Variants in ALS2 observed in about 807,000 individuals in gnomAD.
ALS2 encodes alsin.
Under a neutral mutation model 203.4 loss-of-function variants are expected in ALS2, and 117 were observed. The observed-to-expected ratio is 0.58, with a 90% CI of 0.50 to 0.67. The LOEUF is 0.67. ALS2 is among the 30% of genes least tolerant of loss of function. ALS2 has a pLI of 0.00. For synonymous variants in ALS2, 718 were observed against 725.9 expected, an observed-to-expected ratio of 0.99 and a Z score of 0.17; for missense variants, 1,715 against 1,989.4, an observed-to-expected ratio of 0.86 and a Z score of 2.62.
At chr2:201,759,526 A>C in intron 4 of ALS2, 1 of 981,138 alleles carries the variant, frequency 1.0e-6, no homozygotes, top group Non-Finnish European at 1.2e-6. Flanking sequence ...AAAAACTTCC[A>C]ATGTTTAACA....
chr2:201,706,124 A>G (rs1275148963), intron 29 of ALS2, among the ~76,000 whole-genome samples: 1 of 152,064 alleles, frequency 6.6e-6, no homozygotes, highest in Middle Eastern at 3.2e-3. Context: ...AGTGGCTCAC[A>G]CCTGTAATCC....
chr2:201,715,915 C>G, intron 24 of ALS2, 76 bp from the exon 25 acceptor site: 1 of 1,545,018 alleles, frequency 6.5e-7, no homozygotes, highest in South Asian at 1.1e-5. Context: ...AACTTTCTAA[C>G]ATACAACTGA....
At chr2:201,718,869 A>G (rs989329377) in intron 23 of ALS2, among the ~76,000 whole-genome samples, 2 of 152,330 alleles carry the variant, frequency 1.3e-5, no homozygotes, top group South Asian at 2.1e-4. Flanking sequence ...TTCTCGAATC[A>G]GTAATGTAAA....
chr2:201,734,436 C>G (rs1452388853), intron 12 of ALS2, among the ~76,000 whole-genome samples: 1 of 148,132 alleles, frequency 6.8e-6, no homozygotes, highest in Non-Finnish European at 1.5e-5. Context: ...GGTTGTGCCA[C>G]TGCACACCAG....
intron 1 of ALS2, among the ~76,000 whole-genome samples, chr2:201,772,330 A>T (rs893286058): frequency 1.3e-5 from 2 of 152,222 alleles, no homozygotes; most frequent in Non-Finnish European, 2.9e-5. Context: ...ACTGTTAGAA[A>T]GATGAGCTAC....
At chr2:201,765,940 G>A (rs1249731652) in intron 3 of ALS2, 2 of 165,468 alleles carry the variant, frequency 1.2e-5, no homozygotes, top group African/African-American at 4.8e-5. Flanking sequence ...GTGTGTGCTT[G>A]GGAAAATTTA....
intron 3 of ALS2, chr2:201,765,672 T>C (rs112623180): frequency 4.4e-4 from 74 of 167,216 alleles, no homozygotes; most frequent in African/African-American, 1.7e-3. Context: ...ATTTATAAAT[T>C]AGTGAAGTAG....
At position 201,741,799 on chromosome 2, in the gene ALS2, G is replaced by A; in HGVS notation, c.2226C>T (p.Phe742=). 6.2e-7 allele frequency: 1 copy of A among 1,614,150 alleles called. No individual in the cohort carries two copies. The highest frequency in any genetic ancestry group is 8.5e-7 in the Non-Finnish European group (1 of 1,180,018). Residue 742 remains phenylalanine (F), a synonymous_variant, in exon 11 of 34, where the codon TTC becomes TTT. Transcript: ENST00000264276. ...GACCAATGAGGTAACACAGCTTGCT[G>A]AATCGGCTAGCCACCTCCTGCAACA... ...VQLLQEVASR[F]SKLCYLIGQH... is the part of the protein sequence containing the mutation.
intron 6 of ALS2, 54 bp from the exon 7 acceptor site, chr2:201,753,296 T>C (rs369722786): frequency 2.8e-6 from 4 of 1,437,464 alleles, no homozygotes; most frequent in Admixed American, 1.7e-5. Flanking sequence ...GCAAGAATCG[T>C]AGCCTTTCTC....
At chr2:201,702,293 G>A (rs1689440118) in intron 33 of ALS2, among the ~76,000 whole-genome samples, 1 of 151,710 alleles carries the variant, frequency 6.6e-6, no homozygotes, top group African/African-American at 2.4e-5. Context: ...TTGCAGACCT[G>A]GGGAGTCATA....
At chr2:201,715,931 C>CT (rs983133795) in intron 24 of ALS2, 92 bp from the exon 25 acceptor site, 10 of 1,461,698 alleles carry the variant, frequency 6.8e-6, no homozygotes, top group Middle Eastern at 1.7e-4. Context: ...ACTGAGAATG[C>CT]TTTTTTCGTG....
At position 201,733,334 on chromosome 2, in the gene ALS2, A is replaced by G. The variant is rs1343260387; in HGVS notation, c.2522T>C (p.Ile841Thr). The G allele has an allele frequency of 5.0e-6, 8 of 1,613,922 alleles. No homozygotes were observed. Among genetic ancestry groups the G allele is most frequent in the Admixed American group, 1.7e-5 (1 of 60,020 alleles). Residue 841 changes from isoleucine (I) to threonine (T), a missense_variant, in exon 13 of 34, where the codon ATC becomes ACC. This residue lies in a region of ALS2 where 1,227 missense variants were observed against 1,413.5 expected (regional missense o/e 0.87). Transcript: ENST00000264276. ...TTTTGCGTAATTATGAAGTCGTCTG[A>G]TTGGCAAGAAAAACAAAGTATTCAG... The part of the protein sequence containing the change: ...EILNTLFFLP[I>T]RRLHNYAKVL...
chr2:201,718,509 C>A lies in ALS2; in HGVS notation c.3703-299G>T, dbSNP rs1313284922. 2.6e-5 allele frequency among the ~76,000 whole-genome samples: 4 copies of A among 152,290 alleles called. 1 individual carries two copies. The highest frequency in any genetic ancestry group is 5.9e-5 in the Non-Finnish European group (4 of 68,032). On this transcript the variant is annotated intron_variant, in intron 23 of 33. Transcript: ENST00000264276. ...CTCCTGACCTCAAGTGATCCACCCACCTTGGCCTCCCAAAGTGCTGGGATT... is the reference window on the plus strand; with the variant it reads ...CTCCTGACCTCAAGTGATCCACCCAACTTGGCCTCCCAAAGTGCTGGGATT...
chr2:201,729,307 A>C, intron 13 of ALS2, 124 bp from the exon 14 acceptor site: 1 of 1,104,400 alleles, frequency 9.1e-7, no homozygotes, highest in Non-Finnish European at 1.3e-6. Context: ...GCCCACGAGC[A>C]TAAGTAGCAC....
Position 201,727,741 on chromosome 2 carries a change from A to G in ALS2, c.2876T>C (p.Leu959Pro), listed in dbSNP as rs1178248335. 5.2e-6 allele frequency: 8 copies of G among 1,551,624 alleles called. No homozygotes were observed. The highest frequency in any genetic ancestry group is 2.0e-5 in the Admixed American group (1 of 51,000). The change falls in exon 16 of 34, where the codon CTG becomes CCG. Residue 959 changes from leucine to proline, a missense_variant. By Grantham distance (98) the Leu-to-Pro change is moderately conservative (BLOSUM62 -3). Transcript: ENST00000264276. Reference protein sequence around the residue: ...STHHVFPLATLWAEPLSEEAG... With the variant: ...STHHVFPLATPWAEPLSEEAG... Reference sequence around the variant, plus strand: ...TTCTTCAGACAGTGGCTCTGCCCACAGCGTGGCCAGAGGGAAAACATGGTG... The same window carrying G: ...TTCTTCAGACAGTGGCTCTGCCCACGGCGTGGCCAGAGGGAAAACATGGTG...
intron 33 of ALS2, among the ~76,000 whole-genome samples, chr2:201,702,853 C>T (rs898896199): frequency 6.6e-6 from 1 of 152,180 alleles, no homozygotes; most frequent in Non-Finnish European, 1.5e-5. Flanking sequence ...CAGTGGCTCA[C>T]GCCTGTAATC....
chr2:201,715,160 C>A (rs1201556608), intron 25 of ALS2, among the ~76,000 whole-genome samples: 9 of 152,154 alleles, frequency 5.9e-5, no homozygotes. Flanking sequence ...ACCATTACTG[C>A]CACAGAAGGT....
At chr2:201,740,695 T>C (rs1411698885) in intron 11 of ALS2, among the ~76,000 whole-genome samples, 1 of 152,206 alleles carries the variant, frequency 6.6e-6, no homozygotes, top group East Asian at 1.9e-4. Flanking sequence ...TAAAATAGCA[T>C]CCAACTATCT....
At chr2:201,750,168 C>CA (rs200148047) in intron 7 of ALS2, among the ~76,000 whole-genome samples, 20,861 of 114,630 alleles carry the variant, frequency 0.18, 1,594 homozygotes, top group East Asian at 0.34. Flanking sequence ...GTCGGTATCC[C>CA]AAAAAAAAAA....
Sources: gnomAD v4.1 joint callset for allele counts (sites outside exome capture counted in the v4.1 genomes callset) on GRCh38, gnomAD v4.1.1 for gene constraint, gnomAD v4.1.1 regional missense constraint, MANE v1.5 for transcripts, NCBI Gene and HGNC (gene_info 2026-07-23, HGNC 2026-07-21) for gene names.